The following GALNT17 variants were observed in gnomAD, a reference collection of about 807,000 sequenced individuals.
GALNT17 encodes UDP-GalNAc:polypeptide N-acetylgalactosaminyltransferase-like 3.
Under a neutral mutation model 63.7 loss-of-function variants are expected in GALNT17, and 29 were observed. The ratio of observed to expected loss-of-function variants is 0.46; its 90% CI spans 0.34 to 0.62. GALNT17 has a LOEUF of 0.62. Among genes scored for constraint, GALNT17 ranks in the 20% least tolerant of loss-of-function variants. The pLI, the probability that GALNT17 is intolerant of heterozygous loss-of-function variation, is 0.01. For missense variants in GALNT17, 603 were observed against 799.6 expected, an observed-to-expected ratio of 0.75 and a Z score of 2.97; for synonymous variants, 305 against 318.3, an observed-to-expected ratio of 0.96 and a Z score of 0.45.
At chr7:71,376,425 G>GTGTTTTTTTT in intron 2 of GALNT17, among the ~76,000 whole-genome samples, 2 of 63,362 alleles carry the variant, frequency 3.2e-5, no homozygotes, top group South Asian at 7.4e-4. Flanking sequence ...GTTTGGAGTT[G>GTGTTTTTTTT]TTTTTTTTTT....
In GALNT17 at chr7:71,713,156, T is replaced by C. The variant is rs1791819964; in HGVS notation, c.*1010T>C. ...GGGTGCACATATAAATCAGAGTTAATATATGAACGCGTGTGCATGCACAAG... is the reference window on the plus strand; with the variant it reads ...GGGTGCACATATAAATCAGAGTTAACATATGAACGCGTGTGCATGCACAAG... On this transcript the variant is annotated 3_prime_UTR_variant, in exon 11 of 11. Transcript: ENST00000333538. 6.5e-6 allele frequency: 1 copy of C among 152,698 alleles called. No individual in the cohort carries two copies. The highest frequency in any genetic ancestry group is 6.5e-5 in the Admixed American group (1 of 15,278). The allele number at this position is 152,698 out of a possible 1,614,324, so 9.5% of individuals were successfully genotyped here.
chr7:71,412,974 T>C (rs1473463649), intron 3 of GALNT17, among the ~76,000 whole-genome samples: 1 of 152,088 alleles, frequency 6.6e-6, no homozygotes, highest in East Asian at 1.9e-4. Context: ...ACCCAGGAAG[T>C]GGAGGTTGCA....
At chr7:71,420,500 T>C (rs1258488678) in intron 4 of GALNT17, among the ~76,000 whole-genome samples, 5 of 152,118 alleles carry the variant, frequency 3.3e-5, no homozygotes. Context: ...AAACAAGCGG[T>C]GGCAGTCAGT....
At chr7:71,150,772 A>G (rs1157415771) in intron 1 of GALNT17, among the ~76,000 whole-genome samples, 5 of 151,552 alleles carry the variant, frequency 3.3e-5, no homozygotes, top group Admixed American at 6.6e-5. Context: ...GGCCTCCCAA[A>G]GTGCTGGGAT....
At chr7:71,190,327 T>A (rs1788928728) in intron 1 of GALNT17, among the ~76,000 whole-genome samples, 2 of 152,200 alleles carry the variant, frequency 1.3e-5, no homozygotes, top group African/African-American at 4.8e-5. Context: ...GGCTTGGTGC[T>A]GTCTTCCTGA....
At chr7:71,304,848 A>G (rs1791260840) in intron 1 of GALNT17, among the ~76,000 whole-genome samples, 1 of 151,370 alleles carries the variant, frequency 6.6e-6, no homozygotes, top group Admixed American at 6.6e-5. Flanking sequence ...GGTTCAAGGG[A>G]TTCTCCTGCC....
At chr7:71,661,254 G>A (rs1790903716) in intron 6 of GALNT17, among the ~76,000 whole-genome samples, 1 of 152,146 alleles carries the variant, frequency 6.6e-6, no homozygotes, top group Non-Finnish European at 1.5e-5. Flanking sequence ...GGTCGGGGGT[G>A]TGGTTCTGAC....
intron 5 of GALNT17, among the ~76,000 whole-genome samples, chr7:71,483,003 C>A (rs1027397303): frequency 6.6e-6 from 1 of 152,152 alleles, no homozygotes. Context: ...CTTTGCTCGC[C>A]TGCGGGCCGC....
intron 2 of GALNT17, among the ~76,000 whole-genome samples, chr7:71,359,143 CT>C (rs754359539): frequency 6.6e-6 from 1 of 152,186 alleles, no homozygotes; most frequent in Non-Finnish European, 1.5e-5. Flanking sequence ...GTGCCTTTGT[CT>C]GTTTGTGTTG....
intron 6 of GALNT17, among the ~76,000 whole-genome samples, chr7:71,604,313 A>G (rs144332496): frequency 3.5e-4 from 53 of 152,260 alleles, no homozygotes; most frequent in East Asian, 3.5e-3. Flanking sequence ...ACTGGATACT[A>G]TGATAAGTGC....
At chr7:71,677,357 C>T in intron 9 of GALNT17, 51 bp downstream of exon 9, 2 of 1,551,654 alleles carry the variant, frequency 1.3e-6, no homozygotes, top group South Asian at 1.2e-5. Flanking sequence ...ATCTCCGACC[C>T]ACAGAGGCCT....
chr7:71,194,988 T>C (rs886548296), intron 1 of GALNT17, among the ~76,000 whole-genome samples: 6 of 152,202 alleles, frequency 3.9e-5, no homozygotes, highest in Non-Finnish European at 8.8e-5. Flanking sequence ...TAGAAATACG[T>C]CTGCCTAGCA....
At chr7:71,153,993 C>T (rs977760740) in intron 1 of GALNT17, among the ~76,000 whole-genome samples, 3 of 151,934 alleles carry the variant, frequency 2.0e-5, no homozygotes, top group Middle Eastern at 3.2e-3. Context: ...CCCCATCAAA[C>T]GGTAGAGTTT....
At chr7:71,642,919 T>G (rs776095475) in intron 6 of GALNT17, among the ~76,000 whole-genome samples, 1 of 152,212 alleles carries the variant, frequency 6.6e-6, no homozygotes, top group Non-Finnish European at 1.5e-5. Context: ...GTGCCCTGCC[T>G]GTCATTAAAT....
intron 5 of GALNT17, among the ~76,000 whole-genome samples, chr7:71,552,701 C>T (rs1386689048): frequency 6.6e-6 from 1 of 152,102 alleles, no homozygotes; most frequent in Non-Finnish European, 1.5e-5. Flanking sequence ...CTCGGCCTCC[C>T]AAAGTGCTGG....
At chr7:71,300,305 T>C (rs10266560) in intron 1 of GALNT17, 76,218 of 363,946 alleles carry the variant, frequency 0.21, 8,546 homozygotes, top group East Asian at 0.34. Flanking sequence ...ACTCTGGGCT[T>C]GAAGCTCTTC....
intron 6 of GALNT17, among the ~76,000 whole-genome samples, chr7:71,606,305 A>G (rs1790047494): frequency 6.6e-6 from 1 of 152,054 alleles, no homozygotes; most frequent in East Asian, 1.9e-4. Context: ...AAAGAGTGCA[A>G]CACTCTTTCG....
chr7:71,482,077 G>GTC (rs1787827501), intron 5 of GALNT17, among the ~76,000 whole-genome samples: 2 of 140,330 alleles, frequency 1.4e-5, no homozygotes, highest in Admixed American at 1.4e-4. Context: ...ATACATATAT[G>GTC]TATATGTGTG....
intron 3 of GALNT17, among the ~76,000 whole-genome samples, chr7:71,407,110 G>A (rs1793341868): frequency 6.6e-6 from 1 of 152,186 alleles, no homozygotes; most frequent in African/African-American, 2.4e-5. Flanking sequence ...GCCGGCATCT[G>A]GGAGGGCCCA....
Sources: gnomAD v4.1 joint callset for allele counts (sites outside exome capture counted in the v4.1 genomes callset) on GRCh38, gnomAD v4.1.1 for gene constraint, MANE v1.5 for transcripts, NCBI Gene and HGNC (gene_info 2026-07-23, HGNC 2026-07-21) for gene names.